The following ATP8B4 variants were observed in gnomAD, a reference collection of about 807,000 sequenced individuals.
The protein encoded by ATP8B4 is ATPase phospholipid transporting 8B4 (putative).
In ATP8B4, 133 loss-of-function variants were observed where a neutral mutation model predicts 145.6. The observed-to-expected ratio is 0.91, with a 90% CI of 0.79 to 1.05. ATP8B4 has a LOEUF of 1.05. ATP8B4 is among the 50% of genes least tolerant of loss of function. ATP8B4 has a pLI of 0.00. For synonymous variants in ATP8B4, 507 were observed against 492.9 expected (o/e 1.03, Z -0.38); for missense variants, 1,458 against 1,425.2 (o/e 1.02, Z -0.37).
At chr15:50,025,374 A>T (rs1313402908) in intron 6 of ATP8B4, among the ~76,000 whole-genome samples, 1 of 152,180 alleles carries the variant, frequency 6.6e-6, no homozygotes, top group Non-Finnish European at 1.5e-5. Flanking sequence ...TGGCTTCTCC[A>T]GCCCTGTCTG....
At chr15:50,031,569 T>G (rs200111538) in intron 6 of ATP8B4, among the ~76,000 whole-genome samples, 29 of 19,884 alleles carry the variant, frequency 1.5e-3, no homozygotes, top group Admixed American at 4.9e-3. Context: ...GATCTTTGGG[T>G]TTTTTTTTGT....
At chr15:50,032,711 T>C (rs1333857556) in intron 6 of ATP8B4, among the ~76,000 whole-genome samples, 1 of 152,114 alleles carries the variant, frequency 6.6e-6, no homozygotes, top group Non-Finnish European at 1.5e-5. Context: ...CTAAAAATCG[T>C]ATGTATAAAG....
At position 49,981,287 on chromosome 15, in the gene ATP8B4, G is replaced by T; in HGVS notation, c.756C>A (p.Asp252Glu). The T allele has an allele frequency of 1.9e-6, 3 of 1,604,292 alleles. No individual in the cohort carries two copies. Among genetic ancestry groups the T allele is most frequent in the Non-Finnish European group, 2.5e-6 (3 of 1,176,640 alleles). ...CFGMVIFAGP[D>E]TKLMQNSGKT... ...TACCACTATTCTGCATTAGTTTAGT[G>T]TCAGGACCTGCAAAAACAAAAAAAA... Residue 252 changes from aspartate to glutamate, a missense_variant, in exon 11 of 28, where the codon GAC (aspartate) becomes GAA (glutamate). Transcript: ENST00000284509.
intron 6 of ATP8B4, among the ~76,000 whole-genome samples, chr15:50,027,258 C>T (rs1435554276): frequency 6.6e-6 from 1 of 152,202 alleles, no homozygotes; most frequent in African/African-American, 2.4e-5. Flanking sequence ...ATTTGTCCAT[C>T]TCTTCCCCTA....
At chr15:49,868,737 C>T (rs1191254584) in intron 25 of ATP8B4, among the ~76,000 whole-genome samples, 1 of 151,874 alleles carries the variant, frequency 6.6e-6, no homozygotes, top group Non-Finnish European at 1.5e-5. Flanking sequence ...ATTGAAGAAG[C>T]ATAAGGAAAG....
At chr15:50,021,874 T>C (rs565450223) in intron 6 of ATP8B4, among the ~76,000 whole-genome samples, 2 of 152,282 alleles carry the variant, frequency 1.3e-5, no homozygotes, top group South Asian at 4.1e-4. Flanking sequence ...AGATTAGCTA[T>C]TTATGTGATC....
At chr15:50,131,869 T>A (rs1339956317) in intron 1 of ATP8B4, among the ~76,000 whole-genome samples, 1 of 151,532 alleles carries the variant, frequency 6.6e-6, no homozygotes, top group African/African-American at 2.4e-5. Flanking sequence ...ATAATGGTTA[T>A]AAAATCACGC....
chr15:49,926,701 T>G (rs959034706), intron 16 of ATP8B4, among the ~76,000 whole-genome samples: 2 of 152,178 alleles, frequency 1.3e-5, no homozygotes, highest in Admixed American at 1.3e-4. Flanking sequence ...ATGGGGAACT[T>G]AAATCAATAT....
intron 14 of ATP8B4, among the ~76,000 whole-genome samples, chr15:49,945,379 A>G (rs889490776): frequency 2.6e-5 from 4 of 152,192 alleles, no homozygotes; most frequent in Non-Finnish European, 4.4e-5. Flanking sequence ...AAACCTCCTG[A>G]CAAAGAAAAG....
At chr15:49,993,002 C>G (rs1320628009) in intron 9 of ATP8B4, among the ~76,000 whole-genome samples, 1 of 151,962 alleles carries the variant, frequency 6.6e-6, no homozygotes, top group African/African-American at 2.4e-5. Flanking sequence ...AGAGGAAAAC[C>G]TGAAATCTAC....
At chr15:49,906,417 A>T (rs957707507) in intron 20 of ATP8B4, among the ~76,000 whole-genome samples, 2 of 152,220 alleles carry the variant, frequency 1.3e-5, no homozygotes, top group Admixed American at 6.5e-5. Context: ...CCACGTAATG[A>T]CAGTTGTGTC....
chr15:49,913,252 C>A (rs35056130), intron 20 of ATP8B4, among the ~76,000 whole-genome samples: 1 of 151,806 alleles, frequency 6.6e-6, no homozygotes. Context: ...TGATACATCA[C>A]GTCAACAAAA....
chr15:50,139,392 T>G (rs549048898), intron 1 of ATP8B4, among the ~76,000 whole-genome samples: 52 of 151,158 alleles, frequency 3.4e-4, no homozygotes, highest in Non-Finnish European at 4.1e-4. Flanking sequence ...AAAAGGAGAA[T>G]ACATGGACAC....
At chr15:49,897,157 T>G in intron 23 of ATP8B4, 135 bp downstream of exon 23, 1 of 787,782 alleles carries the variant, frequency 1.3e-6, no homozygotes, top group Non-Finnish European at 2.0e-6. Flanking sequence ...ATTACATAAT[T>G]GTAATACTAT....
At chr15:50,049,776 T>TA (rs1242363310) in intron 3 of ATP8B4, among the ~76,000 whole-genome samples, 9 of 152,202 alleles carry the variant, frequency 5.9e-5, no homozygotes, top group Non-Finnish European at 1.3e-4. Flanking sequence ...CAACAGTGTA[T>TA]AAGCATTCCT....
intron 3 of ATP8B4, among the ~76,000 whole-genome samples, chr15:50,050,619 A>G (rs1336312464): frequency 6.6e-6 from 1 of 151,962 alleles, no homozygotes; most frequent in African/African-American, 2.4e-5. Context: ...ACAAATATAC[A>G]TTAAAAAAAA....
chr15:50,066,001 CA>C (rs1242975294), intron 3 of ATP8B4, among the ~76,000 whole-genome samples: 1 of 117,520 alleles, frequency 8.5e-6, no homozygotes, highest in Non-Finnish European at 1.8e-5. Flanking sequence ...ATTCAGAGGC[CA>C]GAAAAAAAAA....
chr15:49,897,992 T>G (rs761367462), intron 22 of ATP8B4, 76 bp downstream of exon 22: 1 of 1,483,330 alleles, frequency 6.7e-7, no homozygotes, highest in South Asian at 1.2e-5. Flanking sequence ...TGCAATCTAG[T>G]GATTATATAT....
chr15:50,108,381 G>A (rs138555060), intron 1 of ATP8B4, among the ~76,000 whole-genome samples: 104 of 152,200 alleles, frequency 6.8e-4, no homozygotes, highest in South Asian at 1.5e-3. Context: ...TCACACCCCT[G>A]CTAAAAACCC....
Sources: gnomAD v4.1 joint callset for allele counts (sites outside exome capture counted in the v4.1 genomes callset) on GRCh38, gnomAD v4.1.1 for gene constraint, MANE v1.5 for transcripts, NCBI Gene and HGNC (gene_info 2026-07-23, HGNC 2026-07-21) for gene names.